The following GRHPR variants were observed in gnomAD, a reference collection of about 807,000 sequenced individuals.
GRHPR encodes the protein glyoxylate and hydroxypyruvate reductase, also known as glyoxylate reductase/hydroxypyruvate reductase.
In GRHPR, 35 loss-of-function variants were observed where a neutral mutation model predicts 36.8. The ratio of observed to expected loss-of-function variants is 0.95; its 90% CI spans 0.73 to 1.26. The LOEUF is 1.26. Ranked by LOEUF, GRHPR falls within the 50% of genes most tolerant of loss-of-function variation. The pLI is 0.00. For synonymous variants in GRHPR, 179 were observed against 181.0 expected (o/e 0.99, Z 0.09); for missense variants, 380 against 435.0 (o/e 0.87, Z 1.12).
At chr9:37,426,950 C>A (rs369123075) in intron 4 of GRHPR, among the ~76,000 whole-genome samples, 3 of 147,360 alleles carry the variant, frequency 2.0e-5, no homozygotes, top group Non-Finnish European at 1.5e-5. Context: ...GACTCTGTCT[C>A]AAAAAAAAAA....
intron 6 of GRHPR, 74 bp downstream of exon 6, chr9:37,429,910 C>A: frequency 1.1e-6 from 1 of 887,988 alleles, no homozygotes; most frequent in Non-Finnish European, 1.9e-6. Flanking sequence ...TCAATGGTGG[C>A]ATTTTCAGGC....
intron 8 of GRHPR, among the ~76,000 whole-genome samples, chr9:37,433,218 T>G (rs1035409204): frequency 6.8e-6 from 1 of 148,044 alleles, no homozygotes; most frequent in Admixed American, 6.9e-5. Context: ...CACAGTGCAG[T>G]GGTTCTCACA....
At chr9:37,431,312 A>G in intron 7 of GRHPR, 1 of 331,036 alleles carries the variant, frequency 3.0e-6, no homozygotes, top group Non-Finnish European at 6.0e-6. Context: ...AAAACAGGTG[A>G]CCTGGGAATG....
At chr9:37,434,026 C>CCCA in intron 8 of GRHPR, 1 of 330,354 alleles carries the variant, frequency 3.0e-6, no homozygotes, top group African/African-American at 2.2e-5. Flanking sequence ...AGGAAAACTG[C>CCCA]CCTCCCACCC....
At position 37,430,664 on chromosome 9, in the gene GRHPR, T is replaced by TA; in HGVS notation, c.734+19dup. 6.2e-7 allele frequency: 1 copy of TA among 1,612,144 alleles called. No homozygotes were observed. Among genetic ancestry groups the TA allele is most frequent in the East Asian group, 2.2e-5 (1 of 44,874 alleles). On this transcript the variant is annotated intron_variant, in intron 7 of 8. Transcript: ENST00000318158. ...ATCAGCAGGTATCCTAGGGCCACCTTACCCAGCAAGCCTGGAGAGGAGCCA... is the reference window on the plus strand; with the variant it reads ...ATCAGCAGGTATCCTAGGGCCACCTTAACCCAGCAAGCCTGGAGAGGAGCCA...
chr9:37,430,903 G>A (rs756505435), intron 7 of GRHPR: 11 of 597,516 alleles, frequency 1.8e-5, no homozygotes, highest in East Asian at 1.2e-4. Context: ...ACACAGCAGC[G>A]TGGCTTCAGG....
chr9:37,432,478 G>T, intron 8 of GRHPR: 1 of 335,874 alleles, frequency 3.0e-6, no homozygotes, highest in South Asian at 2.4e-5. Context: ...AGGGGTTCGA[G>T]ACCAACCTGG....
At chr9:37,426,878 G>A (rs1823107603) in intron 4 of GRHPR, among the ~76,000 whole-genome samples, 1 of 151,908 alleles carries the variant, frequency 6.6e-6, no homozygotes, top group Non-Finnish European at 1.5e-5. Flanking sequence ...GTGAACCCAG[G>A]AGACAGAGGT....
chr9:37,430,924 A>G (rs1398849640), intron 7 of GRHPR: 2 of 567,850 alleles, frequency 3.5e-6, no homozygotes, highest in African/African-American at 1.9e-5. Context: ...GAGTGTTCCC[A>G]GGGAGCCTCT....
At chr9:37,425,267 C>G (rs1472236162) in intron 2 of GRHPR, among the ~76,000 whole-genome samples, 3 of 152,248 alleles carry the variant, frequency 2.0e-5, no homozygotes, top group Admixed American at 2.0e-4. Flanking sequence ...CAACCTTGCT[C>G]TGTGACCTCC....
Position 37,428,481 on chromosome 9 carries a change from C to A in GRHPR, c.405-3C>A. ...TCTCACCTGCCCCTCTCTCTCCCCT[C>A]AGTGGTGGCTGGACCTCGTGGAAGC... On this transcript the variant is annotated splice_region_variant and splice_polypyrimidine_tract_variant and intron_variant, in intron 4 of 8. Transcript: ENST00000318158. The A allele has an allele frequency of 6.3e-7, 1 of 1,598,950 alleles. No homozygotes were observed. Among genetic ancestry groups the A allele is most frequent in the Non-Finnish European group, 8.6e-7 (1 of 1,166,904 alleles).
chr9:37,438,414 C>T (rs903419063), downstream of GRHPR: 2 of 152,712 alleles, frequency 1.3e-5, no homozygotes, highest in Admixed American at 1.3e-4. Context: ...AAGCTTGCTT[C>T]TCACACGTAG....
At chr9:37,433,081 A>G (rs76760075) in intron 8 of GRHPR, among the ~76,000 whole-genome samples, 3,246 of 152,230 alleles carry the variant, frequency 0.021, 115 homozygotes, top group African/African-American at 0.072. Flanking sequence ...AGTTTTTCCA[A>G]CACTTGGTGA....
chr9:37,431,766 A>G (rs78608663), intron 7 of GRHPR: 85 of 470,578 alleles, frequency 1.8e-4, no homozygotes, highest in African/African-American at 1.6e-3. Context: ...TTTGAGACAC[A>G]GATAATTCGA....
chr9:37,434,475 T>G, intron 8 of GRHPR: 1 of 574,250 alleles, frequency 1.7e-6, no homozygotes, highest in Non-Finnish European at 3.2e-6. Flanking sequence ...AATACCCAGA[T>G]CTTTGTCCCC....
intron 1 of GRHPR, 92 bp downstream of exon 1, chr9:37,422,925 GC>G (rs1371451623): frequency 1.1e-6 from 1 of 940,210 alleles, no homozygotes; most frequent in Non-Finnish European, 1.6e-6. Context: ...GCCGGCTGGG[GC>G]AGGCTTGGAG....
intron 1 of GRHPR, 134 bp from the exon 2 acceptor site, chr9:37,424,711 C>T: frequency 2.0e-6 from 2 of 1,010,928 alleles, no homozygotes; most frequent in Non-Finnish European, 2.9e-6. Flanking sequence ...ACCACCCCTG[C>T]CTGACCCTGC....
chr9:37,429,700 T>G (rs2118879634), intron 5 of GRHPR, 32 bp from the exon 6 acceptor site: 1 of 1,413,898 alleles, frequency 7.1e-7, no homozygotes, highest in East Asian at 2.3e-5. Flanking sequence ...TTTGCGGGAC[T>G]GGGAACGAGA....
intron 6 of GRHPR, chr9:37,430,110 G>C (rs570981613): frequency 6.4e-5 from 35 of 550,242 alleles, no homozygotes; most frequent in African/African-American, 3.6e-4. Context: ...CGGAGCAGCG[G>C]GGATGGTGGT....
Sources: allele counts gnomAD v4.1 joint callset (sites outside exome capture counted in the v4.1 genomes callset), GRCh38; gene constraint gnomAD v4.1.1; transcripts MANE v1.5; gene names NCBI Gene and HGNC (gene_info 2026-07-23, HGNC 2026-07-21).